The following RPGRIP1L variants were observed in gnomAD, a reference collection of about 807,000 sequenced individuals.
RPGRIP1L encodes RPGRIP1 like, also known as protein fantom.
Under a neutral mutation model 160.4 loss-of-function variants are expected in RPGRIP1L, and 131 were observed. The observed-to-expected ratio is 0.82, with a 90% confidence interval of 0.71 to 0.94. The LOEUF is 0.94. Among genes scored for constraint, RPGRIP1L ranks in the 40% least tolerant of loss-of-function variants. The pLI is 0.00. For missense variants in RPGRIP1L, 1,522 were observed against 1,535.8 expected (o/e 0.99, Z 0.15); for synonymous variants, 510 against 515.8 (o/e 0.99, Z 0.15).
chr16:53,602,212 T>C (rs374600745), intron 26 of RPGRIP1L, 24 bp from the exon 27 acceptor site: 1 of 1,481,368 alleles, frequency 6.8e-7, no homozygotes. Context: ...AGCAGGAAAG[T>C]GTTAATATCA....
intron 17 of RPGRIP1L, among the ~76,000 whole-genome samples, chr16:53,644,533 C>T (rs1966427169): frequency 6.6e-6 from 1 of 152,180 alleles, no homozygotes; most frequent in Non-Finnish European, 1.5e-5. Flanking sequence ...CATTTAGACA[C>T]ATCAGTAGAA....
At chr16:53,654,876 A>G (rs531866536) in intron 14 of RPGRIP1L, among the ~76,000 whole-genome samples, 1 of 152,340 alleles carries the variant, frequency 6.6e-6, no homozygotes, top group South Asian at 2.1e-4. Context: ...AAAGGTACAC[A>G]TTGCTCCTTG....
chr16:53,667,916 G>A (rs777044258), intron 9 of RPGRIP1L, among the ~76,000 whole-genome samples: 1 of 151,806 alleles, frequency 6.6e-6, no homozygotes, highest in Non-Finnish European at 1.5e-5. Flanking sequence ...AAATTAGACA[G>A]GTCTTGTGGC....
At chr16:53,607,625 T>C (rs1226339823) in intron 25 of RPGRIP1L, among the ~76,000 whole-genome samples, 1 of 152,240 alleles carries the variant, frequency 6.6e-6, no homozygotes, top group Admixed American at 6.5e-5. Context: ...CAGTGTCTCA[T>C]ATCTAAGGAT....
rs748010169 is a variant in RPGRIP1L, at chr16:53,656,544, C to T, written c.1627G>A (p.Asp543Asn). Residue 543 changes from aspartate (D) to asparagine (N), a missense_variant, in exon 14 of 27, where the codon GAT (aspartate) becomes AAT (asparagine). Physicochemically the swap from Asp to Asn is conservative, Grantham distance 23. Coordinates refer to ENST00000647211, the MANE Select transcript of RPGRIP1L (RefSeq NM_015272.5). ...TACTGTTCCACTTTGAGTTCATAAT[C>T]TTGCTGCAAATTTTCCATCTTACGG... ...VTRKMENLQQ[D>N]YELKVEQYVH... 4 of 1,613,938 alleles carry T rather than the reference C, an allele frequency of 2.5e-6. No homozygotes were observed. The highest frequency in any genetic ancestry group is 3.3e-4 in the Middle Eastern group (2 of 6,082).
At position 53,664,953 on chromosome 16, in the gene RPGRIP1L, A is replaced by G; in HGVS notation, c.1160T>C (p.Val387Ala). 1.2e-6 allele frequency: 2 copies of G among 1,613,540 alleles called. No individual in the cohort carries two copies. The highest frequency in any genetic ancestry group is 1.1e-5 in the South Asian group (1 of 91,078). ...QWKLKEQQLK[V>A]QIAQLETALK... Reference sequence around the variant, plus strand: ...GGCAGTCTCGAGCTGAGCAATCTGCACTTTCAGCTGTTGCTCCTTTAACTT... The same window carrying G: ...GGCAGTCTCGAGCTGAGCAATCTGCGCTTTCAGCTGTTGCTCCTTTAACTT... The change falls in exon 10 of 27, where the codon GTG becomes GCG. Residue 387 changes from valine to alanine, a missense_variant. Physicochemically the swap from Val to Ala is moderately conservative, Grantham distance 64. Coordinates refer to ENST00000647211, the MANE Select transcript of RPGRIP1L (RefSeq NM_015272.5).
At chr16:53,687,470 G>T (rs1970100417) in intron 5 of RPGRIP1L, among the ~76,000 whole-genome samples, 1 of 152,028 alleles carries the variant, frequency 6.6e-6, no homozygotes, top group East Asian at 1.9e-4. Context: ...AAACTTTTAT[G>T]CCACTCCCCA....
intron 17 of RPGRIP1L, among the ~76,000 whole-genome samples, chr16:53,642,145 T>C (rs981287580): frequency 6.6e-6 from 1 of 151,796 alleles, no homozygotes; most frequent in African/African-American, 2.4e-5. Context: ...TTTTTGGGTA[T>C]AAAAAAATCT....
chr16:53,649,733 G>C (rs1329903198), intron 15 of RPGRIP1L, among the ~76,000 whole-genome samples: 1 of 152,146 alleles, frequency 6.6e-6, no homozygotes, highest in African/African-American at 2.4e-5. Context: ...AAGACTTTCT[G>C]TGTGGCTCCC....
rs781046784 is a variant in RPGRIP1L, at chr16:53,657,551, T to C, written c.1483A>G (p.Met495Val). Residue 495 changes from methionine (M) to valine (V), a missense_variant, in exon 13 of 27, where the codon ATG becomes GTG. Transcript: ENST00000647211. Reference protein sequence around the residue: ...SEINKDLERSMRELQATHAET... With the variant: ...SEINKDLERSVRELQATHAET... ...GCATGAGTTGCTTGCAGCTCTCTCATAGAGCGTTCTAGATCTTTATTAATT... is the reference window on the plus strand; with the variant it reads ...GCATGAGTTGCTTGCAGCTCTCTCACAGAGCGTTCTAGATCTTTATTAATT... The C allele has an allele frequency of 2.6e-5, 41 of 1,603,856 alleles. No homozygotes were observed. Among genetic ancestry groups the C allele is most frequent in the Middle Eastern group, 1.7e-4 (1 of 6,008 alleles).
chr16:53,645,536 GATTAGT>G, intron 17 of RPGRIP1L, 83 bp downstream of exon 17: 1 of 1,233,234 alleles, frequency 8.1e-7, no homozygotes, highest in South Asian at 1.3e-5. Context: ...AGGTTAGGGT[GATTAGT>G]TATAAACGAA....
intron 17 of RPGRIP1L, among the ~76,000 whole-genome samples, chr16:53,644,384 CAAG>C (rs1966419510): frequency 6.6e-6 from 1 of 151,326 alleles, no homozygotes; most frequent in Non-Finnish European, 1.5e-5. Context: ...ACTGGAAGTT[CAAG>C]AAGGAGAAGA....
At chr16:53,611,147 G>C in intron 24 of RPGRIP1L, 96 bp from the exon 25 acceptor site, 1 of 877,994 alleles carries the variant, frequency 1.1e-6, no homozygotes, top group South Asian at 1.4e-5. Context: ...TGTTTTTAAA[G>C]ACACAAGTCA....
rs759412548 is a variant in RPGRIP1L at position 53,645,907 on chromosome 16, G to A, written c.2401C>T (p.His801Tyr). 18 of 1,613,940 alleles carry A rather than the reference G, an allele frequency of 1.1e-5. No individual in the cohort carries two copies. The highest frequency in any genetic ancestry group is 2.7e-5 in the African/African-American group (2 of 74,862). ...AGGTGGCTTGCTCGGGACTGCAGGT[G>A]GTTGCAACATCTTATTGTAATGTGA... ...ELHITIRCCN[H>Y]LQSRASHLQP... is the part of the protein sequence containing the mutation. The change falls in exon 17 of 27, where the codon CAC becomes TAC. Residue 801 changes from histidine (H) to tyrosine (Y), a missense_variant. His to Tyr is a moderately conservative substitution (Grantham distance 83, BLOSUM62 2). Coordinates refer to ENST00000647211, the MANE Select transcript of RPGRIP1L (RefSeq NM_015272.5).
chr16:53,656,904 G>A (rs1443098475), intron 13 of RPGRIP1L, among the ~76,000 whole-genome samples: 1 of 152,190 alleles, frequency 6.6e-6, no homozygotes, highest in Admixed American at 6.5e-5. Context: ...TAACAAAGGT[G>A]ATTTCATTGC....
At chr16:53,634,452 T>C (rs1965706253) in intron 22 of RPGRIP1L, among the ~76,000 whole-genome samples, 1 of 152,292 alleles carries the variant, frequency 6.6e-6, no homozygotes, top group African/African-American at 2.4e-5. Context: ...GTTAACAATA[T>C]GCTATGGTAT....
In RPGRIP1L at chr16:53,621,880, G is replaced by A. The variant is rs897661412; in HGVS notation, c.3432+339C>T. ...CTACTAAAAATACAAAAAATCAATC[G>A]GGTGTGGTGGCGGGCACCTGTAGTC... On this transcript the variant is annotated intron_variant, in intron 23 of 26. Transcript: ENST00000647211. 1.3e-4 allele frequency among the ~76,000 whole-genome samples: 20 copies of A among 151,438 alleles called. No homozygotes were observed. In the East Asian group the frequency reaches 1.6e-3, roughly 12 times the overall value.
chr16:53,657,451 A>G lies in RPGRIP1L; in HGVS notation c.1581+2T>C, dbSNP rs1567847278. ...CTTTCCCCATTTAGTGTATTACATTACCTGATAATCTTTATTAATTTTGTG... is the reference window on the plus strand; with the variant it reads ...CTTTCCCCATTTAGTGTATTACATTGCCTGATAATCTTTATTAATTTTGTG... On this transcript the variant is annotated splice_donor_variant, in intron 13 of 26. Transcript: ENST00000647211. LOFTEE classifies it high-confidence loss of function. The G allele has an allele frequency of 6.3e-7, 1 of 1,591,702 alleles. No individual in the cohort carries two copies. Among genetic ancestry groups the G allele is most frequent in the Non-Finnish European group, 8.6e-7 (1 of 1,161,150 alleles).
chr16:53,643,284 G>C (rs1966351112), intron 17 of RPGRIP1L, among the ~76,000 whole-genome samples: 2 of 150,980 alleles, frequency 1.3e-5, no homozygotes. Flanking sequence ...TTCCAGCCTG[G>C]GCGACAGAGC....
Sources: allele counts gnomAD v4.1 joint callset (sites outside exome capture counted in the v4.1 genomes callset), GRCh38; gene constraint gnomAD v4.1.1; transcripts MANE v1.5; gene names NCBI Gene and HGNC (gene_info 2026-07-23, HGNC 2026-07-21).